Variants in CCR6 observed in about 807,000 individuals in gnomAD.
CCR6 encodes the protein C-C chemokine receptor type 6.
In CCR6, 2 loss-of-function variants were observed where a neutral mutation model predicts 3.0. The ratio of observed to expected loss-of-function variants is 0.66; its 90% CI spans 0.27 to 2.07. The LOEUF (loss-of-function observed/expected upper bound fraction) is 2.07. Among genes scored for constraint, CCR6 ranks in the 30% most tolerant of loss-of-function variants. CCR6 has a pLI of 0.14. For synonymous variants in CCR6, 193 were observed against 184.3 expected, an observed-to-expected ratio of 1.05 and a Z score of -0.38; for missense variants, 322 against 462.8, an observed-to-expected ratio of 0.70 and a Z score of 2.79.
intron 1 of CCR6, among the ~76,000 whole-genome samples, chr6:167,135,715 A>T (rs1474346661): frequency 1.3e-5 from 2 of 152,316 alleles, no homozygotes; most frequent in East Asian, 3.9e-4. Context: ...TAACCAATAG[A>T]TCAAGGGTTG....
upstream of CCR6, among the ~76,000 whole-genome samples, chr6:167,120,070 A>G (rs1228725264): frequency 6.6e-6 from 1 of 152,228 alleles, no homozygotes; most frequent in African/African-American, 2.4e-5. Context: ...TGCCCCAGTT[A>G]TCTACCACCT....
Position 167,136,150 on chromosome 6 carries a change from T to C in CCR6, c.9+7T>C. 6.2e-7 allele frequency: 1 copy of C among 1,613,860 alleles called. No individual in the cohort carries two copies. Among genetic ancestry groups the C allele is most frequent in the Non-Finnish European group, 8.5e-7 (1 of 1,179,938 alleles). The stretch of plus-strand genomic sequence containing the variant: ...TCTGCCCACAATGAGCGGGGTAAGA[T>C]TTTTATTTTTGGCAAGGGGTATAAT... On this transcript the variant is annotated splice_region_variant and intron_variant, in intron 2 of 2. Transcript: ENST00000341935. This position sits in a 1 kb window ranked among gnomAD's most constrained non-coding sequence, Gnocchi z 4.6.
chr6:167,128,627 A>T (rs1781707830), intron 1 of CCR6, among the ~76,000 whole-genome samples: 1 of 152,228 alleles, frequency 6.6e-6, no homozygotes, highest in African/African-American at 2.4e-5. Context: ...GCTGGAGTGC[A>T]GTGGCACAAT....
intron 1 of CCR6, among the ~76,000 whole-genome samples, chr6:167,135,523 G>A (rs1005257478): frequency 2.0e-5 from 3 of 152,190 alleles, no homozygotes; most frequent in Admixed American, 6.5e-5. Context: ...ATGCCCACAG[G>A]GGTGATCATC....
rs1293409092 is a variant in CCR6 at position 167,136,181 on chromosome 6, T to A, written c.9+38T>A. 6.2e-7 allele frequency: 1 copy of A among 1,612,748 alleles called. No individual in the cohort carries two copies. Among genetic ancestry groups the A allele is most frequent in the Admixed American group, 1.7e-5 (1 of 59,692 alleles). On this transcript the variant is annotated intron_variant, in intron 2 of 2. Coordinates refer to ENST00000341935, the MANE Select transcript of CCR6 (RefSeq NM_031409.4). This position sits in a 1 kb window ranked among gnomAD's most constrained non-coding sequence, Gnocchi z 4.6. Reference sequence around the variant, plus strand: ...TTTTTGGCAAGGGGTATAATTTGGGTTCACTGTGGCTACTTGAACACTACA... The same window carrying A: ...TTTTTGGCAAGGGGTATAATTTGGGATCACTGTGGCTACTTGAACACTACA...
chr6:167,134,556 A>G (rs978233039), intron 1 of CCR6, among the ~76,000 whole-genome samples: 2 of 152,242 alleles, frequency 1.3e-5, no homozygotes, highest in Non-Finnish European at 2.9e-5. Flanking sequence ...GGTTTGGAAA[A>G]TAATTCAGGG....
chr6:167,125,611 C>T (rs1379901024), intron 1 of CCR6, among the ~76,000 whole-genome samples: 2 of 152,176 alleles, frequency 1.3e-5, no homozygotes, highest in African/African-American at 4.8e-5. Context: ...CGTTGAAGGC[C>T]GGGGGGAGAT....
chr6:167,114,741 C>T (rs970940708), intron 1 of CCR6, among the ~76,000 whole-genome samples: 7 of 152,190 alleles, frequency 4.6e-5, no homozygotes, highest in Non-Finnish European at 8.8e-5. Flanking sequence ...AGGCTGTTCC[C>T]GGCAGACAGA....
intron 1 of CCR6, among the ~76,000 whole-genome samples, chr6:167,123,453 T>G (rs1781618470): frequency 6.6e-6 from 1 of 152,236 alleles, no homozygotes; most frequent in Non-Finnish European, 1.5e-5. Context: ...ACTCGCTCCC[T>G]GCACTGGAGC....
At chr6:167,135,660 T>C (rs935897144) in intron 1 of CCR6, among the ~76,000 whole-genome samples, 8 of 152,246 alleles carry the variant, frequency 5.3e-5, no homozygotes, top group Admixed American at 3.9e-4. Flanking sequence ...TGCGTAAAGA[T>C]TTTTGTGCAG....
At chr6:167,122,946 T>C (rs1781610680), upstream of CCR6, 1 of 152,402 alleles carries the variant, frequency 6.6e-6, no homozygotes, top group South Asian at 2.1e-4. This position sits in a 1 kb window ranked among gnomAD's most constrained non-coding sequence, Gnocchi z 4.2. Flanking sequence ...ACTTTACCAT[T>C]GGTTGGACTT....
intron 1 of CCR6, among the ~76,000 whole-genome samples, chr6:167,129,858 G>A (rs898868292): frequency 2.6e-5 from 4 of 151,578 alleles, no homozygotes; most frequent in Non-Finnish European, 4.4e-5. Context: ...AGCAACAATC[G>A]ACACTTTACT....
chr6:167,132,792 C>T (rs1276495724), intron 1 of CCR6, among the ~76,000 whole-genome samples: 3 of 152,192 alleles, frequency 2.0e-5, no homozygotes, highest in Non-Finnish European at 4.4e-5. Context: ...CCGTCTGCCT[C>T]GGCCTCCCAA....
chr6:167,134,363 A>G (rs754319981), intron 1 of CCR6, among the ~76,000 whole-genome samples: 20 of 152,106 alleles, frequency 1.3e-4, no homozygotes, highest in Admixed American at 4.6e-4. Context: ...AAAGCACTCA[A>G]CTGTATACCT....
chr6:167,131,218 G>C (rs1781758276), intron 1 of CCR6: 1 of 152,238 alleles, frequency 6.6e-6, no homozygotes, highest in Non-Finnish European at 1.5e-5. Context: ...TGAAGCTCAA[G>C]TACGCGTTGA....
chr6:167,115,744 A>C (rs1441118774), intron 1 of CCR6: 1 of 152,238 alleles, frequency 6.6e-6, no homozygotes, highest in African/African-American at 2.4e-5. Context: ...TTCATTATGC[A>C]ACCAACTTAT....
At chr6:167,133,016 A>G (rs9366093) in intron 1 of CCR6, among the ~76,000 whole-genome samples, 83,000 of 152,014 alleles carry the variant, frequency 0.55, 22,984 homozygotes, top group Non-Finnish European at 0.6. Context: ...TATATTCTGG[A>G]TATAACCTAT....
At position 167,137,485 on chromosome 6, in the gene CCR6, G is replaced by T. The variant is rs1367200921; in HGVS notation, c.*130G>T. 2.4e-6 allele frequency: 2 copies of T among 833,710 alleles called. No individual in the cohort carries two copies. The highest frequency in any genetic ancestry group is 3.7e-6 in the Non-Finnish European group (2 of 546,626). 51.6% of individuals were successfully genotyped at this position (833,710 alleles called of 1,614,324 possible). ...AATCAAGCAAGCCTCTCTCCTGCGG[G>T]ACTTAACGTGCTCATGGGCTGTGTG... On this transcript the variant is annotated 3_prime_UTR_variant, in exon 3 of 3. Transcript: ENST00000341935. This position sits in a 1 kb window ranked among gnomAD's most constrained non-coding sequence, Gnocchi z 4.6.
chr6:167,126,628 G>T (rs569699450), intron 1 of CCR6: 1 of 152,468 alleles, frequency 6.6e-6, no homozygotes, highest in African/African-American at 2.4e-5. Flanking sequence ...TTGGCCCCTA[G>T]GAGCTGCTCA....
Sources: allele counts gnomAD v4.1 joint callset (sites outside exome capture counted in the v4.1 genomes callset), GRCh38; gene constraint gnomAD v4.1.1; non-coding constraint Gnocchi (gnomAD v3.1); transcripts MANE v1.5; gene names NCBI Gene and HGNC (gene_info 2026-07-23, HGNC 2026-07-21).